Variants in PC observed in about 807,000 individuals in gnomAD.
The protein encoded by PC is pyruvate carboxylase, mitochondrial.
Under a neutral mutation model 107.8 loss-of-function variants are expected in PC, and 46 were observed. The ratio of observed to expected loss-of-function variants is 0.43; its 90% CI spans 0.34 to 0.55. The LOEUF (loss-of-function observed/expected upper bound fraction) is 0.55. Ranked by LOEUF, PC falls within the 20% of genes least tolerant of loss-of-function variation. PC has a pLI of 0.04. For missense variants in PC, 1,241 were observed against 1,643.1 expected (o/e 0.76, Z 4.23); for synonymous variants, 662 against 684.7 (o/e 0.97, Z 0.52).
intron 12 of PC, among the ~76,000 whole-genome samples, chr11:66,862,627 C>T (rs1163070560): frequency 1.3e-5 from 2 of 152,262 alleles, no homozygotes; most frequent in Admixed American, 6.5e-5. Context: ...TCCTCCGGCT[C>T]TTCTTGCCAT....
At chr11:66,903,711 G>A (rs1948041682) in intron 3 of PC, among the ~76,000 whole-genome samples, 1 of 119,826 alleles carries the variant, frequency 8.3e-6, no homozygotes, top group Admixed American at 9.6e-5. Context: ...TGGTGCCATT[G>A]CACTCCAGCC....
intron 13 of PC, 200 bp from the exon 14 acceptor site, chr11:66,853,036 G>T: frequency 1.4e-6 from 1 of 700,224 alleles, no homozygotes; most frequent in Non-Finnish European, 2.4e-6. Flanking sequence ...GGATGGAAAG[G>T]TGGGGTCTCT....
intron 3 of PC, among the ~76,000 whole-genome samples, chr11:66,947,512 G>C (rs1013661194): frequency 6.6e-6 from 1 of 150,422 alleles, no homozygotes; most frequent in Non-Finnish European, 1.5e-5. Flanking sequence ...AGTGAGCCGA[G>C]ATCGTGCCAC....
At position 66,871,779 on chromosome 11, in the gene PC, G is replaced by A. The variant is rs928225163; in HGVS notation, c.229C>T (p.Arg77Trp). 5 of 1,603,318 alleles carry A rather than the reference G, an allele frequency of 3.1e-6. No homozygotes were observed. The highest frequency in any genetic ancestry group is 4.3e-6 in the Non-Finnish European group (5 of 1,176,276). ...YSEQDTGQMH[R>W]QKADEAYLIG... is the part of the protein sequence containing the mutation. Reference sequence around the variant, plus strand: ...AGATAGGCTTCATCTGCTTTCTGCCGGTGCATCTGGCCCGTGTCCTGCTCA... The same window carrying A: ...AGATAGGCTTCATCTGCTTTCTGCCAGTGCATCTGGCCCGTGTCCTGCTCA... Residue 77 changes from arginine to tryptophan, a missense_variant, in exon 5 of 23, where the codon CGG becomes TGG. Arg to Trp is a moderately radical substitution (Grantham distance 101). Around this residue, in one of 2 missense-constraint regions of PC, gnomAD observed 1,143 missense variants for 1,551.9 expected, o/e 0.74. Transcript: ENST00000393960. This position sits in a 1 kb window ranked among gnomAD's most constrained non-coding sequence, Gnocchi z 7.4.
At chr11:66,860,745 C>T (rs1029933570) in intron 12 of PC, 5 of 699,118 alleles carry the variant, frequency 7.2e-6, no homozygotes, top group South Asian at 1.5e-5. Context: ...TGCCAGGTGG[C>T]GACAGGACGC....
chr11:66,849,530 C>T (rs1945343636), intron 21 of PC, 81 bp downstream of exon 21: 1 of 1,611,708 alleles, frequency 6.2e-7, no homozygotes, highest in Non-Finnish European at 8.5e-7. Flanking sequence ...GCTTGCGAGG[C>T]TGGGTGACAG....
intron 3 of PC, among the ~76,000 whole-genome samples, chr11:66,926,384 A>G (rs1948713958): frequency 6.6e-6 from 1 of 152,246 alleles, no homozygotes; most frequent in South Asian, 2.1e-4. Flanking sequence ...AGTGCTTGGC[A>G]TCACATAGGA....
chr11:66,873,820 T>A (rs1458697335), intron 3 of PC, among the ~76,000 whole-genome samples: 1 of 151,554 alleles, frequency 6.6e-6, no homozygotes, highest in Non-Finnish European at 1.5e-5. Flanking sequence ...CAGGCTGGAG[T>A]GCAATGGCAT....
intron 3 of PC, among the ~76,000 whole-genome samples, chr11:66,887,614 C>T (rs1188144169): frequency 6.6e-6 from 1 of 152,234 alleles, no homozygotes; most frequent in Non-Finnish European, 1.5e-5. Context: ...AAATAAGAGA[C>T]TCAGTCCAGC....
At chr11:66,864,336 G>A (rs542036713) in intron 11 of PC, among the ~76,000 whole-genome samples, 8 of 152,370 alleles carry the variant, frequency 5.3e-5, no homozygotes, top group Non-Finnish European at 7.3e-5. Context: ...ATCCACGTTC[G>A]TTCCACAGCA....
chr11:66,893,988 CT>C (rs1482996434), intron 3 of PC, among the ~76,000 whole-genome samples: 1 of 152,144 alleles, frequency 6.6e-6, no homozygotes, highest in African/African-American at 2.4e-5. Flanking sequence ...ATCCTTCCCT[CT>C]TTTCATTTCT....
chr11:66,942,889 G>A (rs892825445), intron 3 of PC, among the ~76,000 whole-genome samples: 6 of 151,800 alleles, frequency 4.0e-5, no homozygotes, highest in African/African-American at 1.5e-4. Flanking sequence ...GGTGGCGGGC[G>A]TCTGTAGTCC....
chr11:66,877,441 A>G (rs939291706), intron 3 of PC, among the ~76,000 whole-genome samples: 7 of 152,170 alleles, frequency 4.6e-5, no homozygotes, highest in African/African-American at 1.2e-4. Flanking sequence ...TGTAATCCCA[A>G]CACTTTGGGA....
At chr11:66,850,491 G>A (rs369438326) in intron 18 of PC, 27 bp from the exon 19 acceptor site, 1 of 1,613,626 alleles carries the variant, frequency 6.2e-7, no homozygotes, top group South Asian at 1.1e-5. Flanking sequence ...GTCAGAGGAG[G>A]CCTTAGAAAT....
intron 3 of PC, among the ~76,000 whole-genome samples, chr11:66,893,058 G>A (rs1355069813): frequency 5.3e-5 from 8 of 152,116 alleles, no homozygotes; most frequent in Non-Finnish European, 1.2e-4. Context: ...ATTCAACCCT[G>A]ACAGACCCTT....
chr11:66,859,192 C>G (rs1456085404), intron 12 of PC: 2 of 1,361,796 alleles, frequency 1.5e-6, no homozygotes, highest in African/African-American at 3.0e-5. Flanking sequence ...CTCTCTGGGG[C>G]TGACACCCCC....
At chr11:66,957,995 A>G (rs1949609816) in intron 1 of PC, 1 of 151,898 alleles carries the variant, frequency 6.6e-6, no homozygotes, top group African/African-American at 2.4e-5. Flanking sequence ...CAGTTTCTCC[A>G]TCTGCAAAAT....
intron 3 of PC, among the ~76,000 whole-genome samples, chr11:66,943,460 C>T (rs554794180): frequency 9.2e-5 from 14 of 151,842 alleles, no homozygotes; most frequent in East Asian, 1.9e-4. Context: ...ACTTCTCGGC[C>T]GGGTGCGGTG....
In PC at chr11:66,848,785, G is replaced by C; in HGVS notation, c.*114C>G. ...GTCTCTCCTGTCCAGCTGTGGACAG[G>C]ACCTCCACGGCCCGGCCTTCCTGGC... On this transcript the variant is annotated 3_prime_UTR_variant, in exon 23 of 23. Transcript: ENST00000393960. 7.5e-7 allele frequency: 1 copy of C among 1,329,568 alleles called. No individual in the cohort carries two copies. Among genetic ancestry groups the C allele is most frequent in the Non-Finnish European group, 1.1e-6 (1 of 935,572 alleles). The allele number at this position is 1,329,568 out of a possible 1,614,324, so 82.4% of individuals were successfully genotyped here.
Sources: allele counts gnomAD v4.1 joint callset (sites outside exome capture counted in the v4.1 genomes callset), GRCh38; gene constraint gnomAD v4.1.1; regional missense constraint gnomAD v4.1.1; non-coding constraint Gnocchi (gnomAD v3.1); transcripts MANE v1.5; gene names NCBI Gene and HGNC (gene_info 2026-07-23, HGNC 2026-07-21).